The following TAFA2 variants were observed in gnomAD, a reference collection of about 807,000 sequenced individuals.
TAFA2 encodes the protein chemokine-like protein TAFA-2.
TAFA2 carries 7 observed loss-of-function variants against 18.8 expected under a neutral mutation model. That is an observed-to-expected ratio of 0.37 (90% CI 0.21 to 0.70). The LOEUF is 0.70. TAFA2 is among the 30% of genes least tolerant of loss of function. TAFA2 has a pLI of 0.53. For synonymous variants in TAFA2, 60 were observed against 54.2 expected (o/e 1.11, Z -0.47); for missense variants, 122 against 158.1 (o/e 0.77, Z 1.23).
intron 1 of TAFA2, among the ~76,000 whole-genome samples, chr12:61,905,704 G>C (rs1876319844): frequency 6.6e-6 from 1 of 152,202 alleles, no homozygotes; most frequent in Non-Finnish European, 1.5e-5. Context: ...TTCAATCAAG[G>C]AAAAGCTCTT....
At chr12:61,894,063 G>A (rs1028606751) in intron 1 of TAFA2, among the ~76,000 whole-genome samples, 9 of 151,630 alleles carry the variant, frequency 5.9e-5, no homozygotes, top group Non-Finnish European at 1.0e-4. Flanking sequence ...CACTGTCCAG[G>A]CTAAACAGGC....
At chr12:62,240,342 C>T (rs1219072854) in intron 1 of TAFA2, among the ~76,000 whole-genome samples, 3 of 151,162 alleles carry the variant, frequency 2.0e-5, no homozygotes, top group Admixed American at 6.6e-5. Flanking sequence ...TCTCTTAAAC[C>T]CAGGAGGCAG....
intron 4 of TAFA2, among the ~76,000 whole-genome samples, chr12:61,739,379 T>C (rs992499348): frequency 6.6e-6 from 1 of 152,060 alleles, no homozygotes; most frequent in African/African-American, 2.4e-5. Context: ...CTGTCACTAA[T>C]TTCAGTAACC....
chr12:61,906,757 A>T, intron 1 of TAFA2, among the ~76,000 whole-genome samples: 1 of 152,212 alleles, frequency 6.6e-6, no homozygotes, highest in Non-Finnish European at 1.5e-5. Context: ...CAATATGGAC[A>T]ATGCAGTCCA....
chr12:61,767,283 A>G (rs1035883782), intron 2 of TAFA2, among the ~76,000 whole-genome samples: 7 of 152,138 alleles, frequency 4.6e-5, no homozygotes, highest in Non-Finnish European at 1.0e-4. Context: ...TTCCTCAACT[A>G]TAAAATTAGA....
chr12:61,851,211 G>A (rs12318619), intron 2 of TAFA2, among the ~76,000 whole-genome samples: 3,436 of 152,206 alleles, frequency 0.023, 142 homozygotes, highest in African/African-American at 0.078. Context: ...AAGGGGCCAT[G>A]GGACCATATA....
chr12:61,781,974 AT>A (rs1565631784), intron 2 of TAFA2, among the ~76,000 whole-genome samples: 1 of 151,526 alleles, frequency 6.6e-6, no homozygotes, highest in Non-Finnish European at 1.5e-5. Flanking sequence ...ACATGTTTCA[AT>A]TTTTTTTCCT....
At chr12:62,196,211 A>C (rs1048308270), upstream of TAFA2, among the ~76,000 whole-genome samples, 3 of 152,232 alleles carry the variant, frequency 2.0e-5, no homozygotes, top group African/African-American at 7.2e-5. Flanking sequence ...GCTCTGGATT[A>C]GACCCTGGCT....
At chr12:61,867,740 CA>C (rs1419042020) in intron 1 of TAFA2, among the ~76,000 whole-genome samples, 1 of 152,210 alleles carries the variant, frequency 6.6e-6, no homozygotes, top group East Asian at 1.9e-4. Flanking sequence ...AGTTTATTAA[CA>C]AAACCCAAGG....
intron 2 of TAFA2, among the ~76,000 whole-genome samples, chr12:61,826,838 T>C (rs1215491066): frequency 6.6e-6 from 1 of 152,040 alleles, no homozygotes; most frequent in African/African-American, 2.4e-5. Flanking sequence ...TTTTATGATA[T>C]ATATGTAAGA....
intron 1 of TAFA2, among the ~76,000 whole-genome samples, chr12:62,028,825 T>C (rs575275844): frequency 3.0e-4 from 46 of 152,234 alleles, no homozygotes; most frequent in Admixed American, 5.9e-4. Flanking sequence ...TAACAGTCAG[T>C]ACAACCACCC....
At chr12:61,999,468 T>C (rs1880307970) in intron 1 of TAFA2, among the ~76,000 whole-genome samples, 1 of 152,308 alleles carries the variant, frequency 6.6e-6, no homozygotes, top group South Asian at 2.1e-4. Context: ...GGAGAAAATA[T>C]GTGGATACGG....
At chr12:61,870,300 T>C (rs903136055) in intron 1 of TAFA2, among the ~76,000 whole-genome samples, 4 of 152,182 alleles carry the variant, frequency 2.6e-5, no homozygotes, top group African/African-American at 9.6e-5. Flanking sequence ...CACCAAACTT[T>C]CTCACTGGCC....
At chr12:61,757,974 C>T (rs10877738) in intron 2 of TAFA2, among the ~76,000 whole-genome samples, 56,737 of 151,692 alleles carry the variant, frequency 0.37, 10,819 homozygotes, top group African/African-American at 0.46. Flanking sequence ...CTGAGTTTTT[C>T]TCATGTCTAA....
At chr12:62,080,466 T>C (rs1868302143) in intron 1 of TAFA2, among the ~76,000 whole-genome samples, 1 of 152,150 alleles carries the variant, frequency 6.6e-6, no homozygotes, top group Admixed American at 6.6e-5. Context: ...TAATAGTTTC[T>C]TTCTACCACA....
intron 1 of TAFA2, among the ~76,000 whole-genome samples, chr12:61,948,082 GTTTC>G (rs1345871863): frequency 1.3e-5 from 2 of 151,892 alleles, no homozygotes; most frequent in Non-Finnish European, 2.9e-5. Flanking sequence ...ACTTTGAAAA[GTTTC>G]TTTCATTTAA....
At chr12:61,883,889 C>T (rs1875254930) in intron 1 of TAFA2, among the ~76,000 whole-genome samples, 1 of 152,142 alleles carries the variant, frequency 6.6e-6, no homozygotes, top group Admixed American at 6.5e-5. Flanking sequence ...ACTGAATGAA[C>T]AGATTTTTCT....
At chr12:61,943,489 A>G (rs1472656936) in intron 1 of TAFA2, among the ~76,000 whole-genome samples, 8 of 143,214 alleles carry the variant, frequency 5.6e-5, no homozygotes, top group Admixed American at 5.0e-4. Flanking sequence ...AAATGCTCCA[A>G]TTAAAAGACA....
At chr12:62,245,757 T>C (rs2062882519) in intron 1 of TAFA2, among the ~76,000 whole-genome samples, 1 of 148,092 alleles carries the variant, frequency 6.8e-6, no homozygotes, top group South Asian at 2.1e-4. Context: ...TATTTATATA[T>C]AAAGCAATAT....
Sources: allele counts gnomAD v4.1 joint callset (sites outside exome capture counted in the v4.1 genomes callset), GRCh38; gene constraint gnomAD v4.1.1; transcripts MANE v1.5; gene names NCBI Gene and HGNC (gene_info 2026-07-23, HGNC 2026-07-21).